ZNF808: variants seen among roughly 807,000 people sequenced by gnomAD.
ZNF808 encodes zinc finger protein 808.
Under a neutral mutation model 8.7 loss-of-function variants are expected in ZNF808, and 5 were observed. The ratio of observed to expected loss-of-function variants is 0.58; its 90% confidence interval spans 0.30 to 1.21. The LOEUF is 1.21. Among genes scored for constraint, ZNF808 ranks in the 50% most tolerant of loss-of-function variants. ZNF808 has a pLI of 0.07. For missense variants in ZNF808, 1,103 were observed against 1,098.4 expected, an observed-to-expected ratio of 1.00 and a Z score of -0.06; for synonymous variants, 380 against 366.0, an observed-to-expected ratio of 1.04 and a Z score of -0.44.
At chr19:52,545,294 C>T (rs2059710264) in intron 3 of ZNF808, among the ~76,000 whole-genome samples, 1 of 152,170 alleles carries the variant, frequency 6.6e-6, no homozygotes, top group African/African-American at 2.4e-5. Flanking sequence ...CTCAGCCTCT[C>T]CAGTAGCTTG....
chr19:52,561,349 T>C (rs1282582341), intron 3 of ZNF808, among the ~76,000 whole-genome samples: 1 of 151,954 alleles, frequency 6.6e-6, no homozygotes, highest in Non-Finnish European at 1.5e-5. Flanking sequence ...TAATTCATCA[T>C]ACTTCTTTCT....
At chr19:52,543,192 C>G in intron 2 of ZNF808, 74 bp from the exon 3 acceptor site, 1 of 1,493,442 alleles carries the variant, frequency 6.7e-7, no homozygotes, top group Non-Finnish European at 9.2e-7. Context: ...TGACATCTCC[C>G]GGTTCATGTG....
intron 2 of ZNF808, among the ~76,000 whole-genome samples, chr19:52,542,463 TGCAAG>T (rs2059680604): frequency 1.3e-5 from 2 of 151,680 alleles, no homozygotes. Flanking sequence ...TCCCCTCAGC[TGCAAG>T]TGACAAGCAG....
In ZNF808 at chr19:52,554,572, A is replaced by G. The variant is rs745417432; in HGVS notation, c.1656A>G (p.Ser552=). 2 of 1,613,682 alleles carry G rather than the reference A, an allele frequency of 1.2e-6. No individual in the cohort carries two copies. The highest frequency in any genetic ancestry group is 1.3e-5 in the African/African-American group (1 of 75,046). The change falls in exon 5 of 5, where the codon TCA becomes TCG. Residue 552 remains serine (S), a synonymous_variant. Transcript: ENST00000359798. ...TVCNKVFMRN[S]VLAVHTRIHT... is the part of the protein sequence containing the mutation. ...GTAACAAGGTTTTCATGCGTAATTC[A>G]GTCCTGGCTGTACATACTAGAATTC...
In ZNF808 at chr19:52,546,603, A is replaced by G. The variant is rs2059722709; in HGVS notation, c.64-909A>G. On this transcript the variant is annotated intron_variant, in intron 3 of 4. Transcript: ENST00000359798. ...CTAAATATCGCCTTGTATGTTGAAC[A>G]TAATAGCTGACATGTCTGTAGAGAA... Among the ~76,000 whole-genome samples the G allele has an allele frequency of 2.0e-5, 3 of 151,026 alleles. No individual in the cohort carries two copies. The South Asian group carries it at 6.3e-4, about 32-fold the overall frequency.
chr19:52,552,968 T>G (rs550477301), intron 4 of ZNF808, 139 bp from the exon 5 acceptor site: 5 of 1,274,448 alleles, frequency 3.9e-6, no homozygotes, highest in Non-Finnish European at 5.2e-6. Context: ...AGAATCTCAC[T>G]CTTTTTGTGT....
chr19:52,539,398 G>T (rs900024174), intron 2 of ZNF808, among the ~76,000 whole-genome samples: 1 of 151,450 alleles, frequency 6.6e-6, no homozygotes, highest in African/African-American at 2.4e-5. Flanking sequence ...CACCATCTAG[G>T]CGGGACTTGT....
intron 1 of ZNF808, among the ~76,000 whole-genome samples, chr19:52,528,367 G>A (rs1275611520): frequency 6.6e-6 from 1 of 152,210 alleles, no homozygotes; most frequent in East Asian, 1.9e-4. Flanking sequence ...TCCTGCGATT[G>A]TGTGGGCCGA....
In ZNF808 at chr19:52,555,299, G is replaced by A. The variant is rs2059825175; in HGVS notation, c.2383G>A (p.Val795Ile). The A allele has an allele frequency of 1.2e-6, 2 of 1,614,150 alleles. No individual in the cohort carries two copies. Among genetic ancestry groups the A allele is most frequent in the Non-Finnish European group, 1.7e-6 (2 of 1,180,028 alleles). ...HTGEKSYKCTVCDKAFVRNSY... is the reference protein window; with the variant it reads ...HTGEKSYKCTICDKAFVRNSY... ...TGGAGAGAAATCTTACAAATGTACG[G>A]TTTGTGACAAGGCTTTCGTGCGTAA... Residue 795 changes from valine to isoleucine, a missense_variant, in exon 5 of 5, where the codon GTT becomes ATT. Transcript: ENST00000359798.
intron 2 of ZNF808, chr19:52,536,043 G>C (rs540599303): frequency 6.0e-6 from 1 of 166,150 alleles, no homozygotes; most frequent in African/African-American, 2.4e-5. Flanking sequence ...TCGTACCGCG[G>C]CGCGTGAGTT....
chr19:52,547,286 C>T (rs1276657826), intron 3 of ZNF808, among the ~76,000 whole-genome samples: 1 of 151,914 alleles, frequency 6.6e-6, no homozygotes, highest in Non-Finnish European at 1.5e-5. Flanking sequence ...TTATATTGTC[C>T]ATAAAATCGA....
At chr19:52,566,891 G>A (rs2059874217), downstream of ZNF808, among the ~76,000 whole-genome samples, 3 of 151,554 alleles carry the variant, frequency 2.0e-5, no homozygotes, top group Admixed American at 2.0e-4. Flanking sequence ...CCATGACAAT[G>A]TATGCTTCTA....
intron 2 of ZNF808, among the ~76,000 whole-genome samples, chr19:52,539,474 C>T (rs1288962305): frequency 1.3e-5 from 2 of 151,162 alleles, no homozygotes; most frequent in East Asian, 1.9e-4. Flanking sequence ...CAGGCGTGAG[C>T]CACCACACTT....
At chr19:52,545,738 C>T (rs2059714098) in intron 3 of ZNF808, among the ~76,000 whole-genome samples, 1 of 151,770 alleles carries the variant, frequency 6.6e-6, no homozygotes, top group Non-Finnish European at 1.5e-5. Context: ...AGAGATTGTG[C>T]CACTGTATTC....
chr19:52,548,203 T>C (rs1419556885), intron 4 of ZNF808, among the ~76,000 whole-genome samples: 1 of 152,180 alleles, frequency 6.6e-6, no homozygotes, highest in Non-Finnish European at 1.5e-5. Context: ...TATGAGGCTC[T>C]TGACTGAACT....
intron 1 of ZNF808, among the ~76,000 whole-genome samples, chr19:52,529,489 A>G (rs2059541174): frequency 6.6e-6 from 1 of 152,180 alleles, no homozygotes; most frequent in South Asian, 2.1e-4. Flanking sequence ...ATAACTAAAA[A>G]CTTGTTTAAA....
Position 52,554,688 on chromosome 19 carries a change from G to A in ZNF808, c.1772G>A (p.Gly591Glu). 1.2e-6 allele frequency: 2 copies of A among 1,614,010 alleles called. No homozygotes were observed. The highest frequency in any genetic ancestry group is 1.7e-6 in the Non-Finnish European group (2 of 1,179,982). The change falls in exon 5 of 5, where the codon GGA becomes GAA. Residue 591 changes from glycine to glutamate, a missense_variant. Physicochemically the swap from Gly to Glu is moderately conservative, Grantham distance 98. Coordinates refer to ENST00000359798, the MANE Select transcript of ZNF808 (RefSeq NM_001039886.4). ...TCACGTCATCGTAGACTTCATACTG[G>A]AGAGAAACCTTACAAATGTGAAGCA... ...HLSRHRRLHT[G>E]EKPYKCEACD...
At chr19:52,568,175 C>A (rs984153581), downstream of ZNF808, among the ~76,000 whole-genome samples, 1 of 152,144 alleles carries the variant, frequency 6.6e-6, no homozygotes, top group African/African-American at 2.4e-5. Context: ...AATTAGAAAC[C>A]AGCCTGGCCA....
At chr19:52,547,011 G>A (rs1304203825) in intron 3 of ZNF808, among the ~76,000 whole-genome samples, 2 of 147,676 alleles carry the variant, frequency 1.4e-5, no homozygotes, top group Non-Finnish European at 3.0e-5. Flanking sequence ...GCAGTGGTGC[G>A]ATCTTGGCTC....
Sources: gnomAD v4.1 joint callset for allele counts (sites outside exome capture counted in the v4.1 genomes callset) on GRCh38, gnomAD v4.1.1 for gene constraint, MANE v1.5 for transcripts, NCBI Gene and HGNC (gene_info 2026-07-23, HGNC 2026-07-21) for gene names.